HECTD2: variants seen among roughly 807,000 people sequenced by gnomAD.
The protein encoded by HECTD2 is probable E3 ubiquitin-protein ligase HECTD2.
In HECTD2, 35 loss-of-function variants were observed where a neutral mutation model predicts 103.2. The ratio of observed to expected loss-of-function variants is 0.34; its 90% confidence interval spans 0.26 to 0.45. HECTD2 has a LOEUF of 0.45. Ranked by LOEUF, HECTD2 falls within the 20% of genes least tolerant of loss-of-function variation. The pLI is 1.00. For missense variants in HECTD2, 596 were observed against 937.4 expected (o/e 0.64, Z 4.76); for synonymous variants, 281 against 329.9 (o/e 0.85, Z 1.61).
In HECTD2 at chr10:91,484,672, C is replaced by G; in HGVS notation, c.970+17C>G. On this transcript the variant is annotated intron_variant, in intron 9 of 20. Transcript: ENST00000298068. Reference sequence around the variant, plus strand: ...CTTTACTTAGTAGGTTTTTATTATTCTATCATTTTTTACTTTTCTTTTGTT... The same window carrying G: ...CTTTACTTAGTAGGTTTTTATTATTGTATCATTTTTTACTTTTCTTTTGTT... 1 of 1,567,820 alleles carries G rather than the reference C, an allele frequency of 6.4e-7. No homozygotes were observed. Among genetic ancestry groups the G allele is most frequent in the South Asian group, 1.2e-5 (1 of 82,474 alleles).
intron 2 of HECTD2, among the ~76,000 whole-genome samples, chr10:91,427,581 T>C (rs1275351980): frequency 6.6e-6 from 1 of 152,198 alleles, no homozygotes; most frequent in Non-Finnish European, 1.5e-5. Context: ...TGGTTTTGAT[T>C]TGCATTTCTC....
chr10:91,424,201 G>C (rs1013180269), intron 1 of HECTD2, among the ~76,000 whole-genome samples: 2 of 152,038 alleles, frequency 1.3e-5, no homozygotes, highest in Non-Finnish European at 2.9e-5. Context: ...TAAATGCATT[G>C]GTACTTTCTG....
In HECTD2 at chr10:91,512,504, T is replaced by C. The variant is rs1847462416; in HGVS notation, c.*120T>C. ...GACAAAGCTCACCAACTTTAAAATA[T>C]TAAGTTTTTAAAAAATCAAATATGA... On this transcript the variant is annotated 3_prime_UTR_variant, in exon 21 of 21. Coordinates refer to ENST00000298068, the MANE Select transcript of HECTD2 (RefSeq NM_182765.6). 3 of 936,868 alleles carry C rather than the reference T, an allele frequency of 3.2e-6. No homozygotes were observed. Among genetic ancestry groups the C allele is most frequent in the South Asian group, 2.0e-5 (1 of 49,410 alleles). 58.0% of individuals were successfully genotyped at this position (936,868 alleles called of 1,614,324 possible). A position where few individuals can be genotyped will look rare whatever the true frequency, so the allele number is the denominator to read the frequency against.
intron 18 of HECTD2, 113 bp from the exon 19 acceptor site, chr10:91,500,389 T>TTTTTTA: frequency 2.0e-6 from 1 of 505,300 alleles, no homozygotes; most frequent in Non-Finnish European, 3.6e-6. Context: ...AAAAATGGTT[T>TTTTTTA]GATTTACTAT....
intron 5 of HECTD2, among the ~76,000 whole-genome samples, chr10:91,475,652 G>A (rs1038810243): frequency 6.6e-6 from 1 of 152,212 alleles, no homozygotes; most frequent in Non-Finnish European, 1.5e-5. Context: ...AAATGAGGCG[G>A]TAGCTAGAAG....
At position 91,513,962 on chromosome 10, in the gene HECTD2, G is replaced by C. The variant is rs538385830; in HGVS notation, c.*1578G>C. 6 of 152,552 alleles carry C rather than the reference G, an allele frequency of 3.9e-5. No individual in the cohort carries two copies. In the East Asian group the frequency reaches 1.2e-3, roughly 30 times the overall value. The allele number at this position is 152,552 out of a possible 1,614,324, so 9.4% of individuals were successfully genotyped here. ...TTCCATTTGGGTATATTATTTCAAG[G>C]GTATTTCTTCTTAAAAATCTTGGAA... On this transcript the variant is annotated 3_prime_UTR_variant, in exon 21 of 21. Transcript: ENST00000298068.
intron 20 of HECTD2, among the ~76,000 whole-genome samples, chr10:91,506,981 A>G (rs1419511733): frequency 6.6e-6 from 1 of 151,834 alleles, no homozygotes; most frequent in Non-Finnish European, 1.5e-5. Flanking sequence ...TACGCAAATC[A>G]ATAAATGTAA....
At chr10:91,494,607 A>AAGAT (rs1846598748) in intron 14 of HECTD2, among the ~76,000 whole-genome samples, 1 of 152,068 alleles carries the variant, frequency 6.6e-6, no homozygotes, top group African/African-American at 2.4e-5. Context: ...ACTACACATT[A>AAGAT]AGATAGTAAA....
At chr10:91,436,219 T>C (rs1844111952) in intron 2 of HECTD2, among the ~76,000 whole-genome samples, 1 of 151,990 alleles carries the variant, frequency 6.6e-6, no homozygotes, top group Non-Finnish European at 1.5e-5. Context: ...GATTTTCTGC[T>C]CATGGTTAAT....
intron 6 of HECTD2, among the ~76,000 whole-genome samples, chr10:91,480,719 C>A (rs375978453): frequency 3.2e-4 from 49 of 152,166 alleles, no homozygotes; most frequent in African/African-American, 1.2e-3. Flanking sequence ...CCTAGAAACA[C>A]AAGCATATTT....
chr10:91,453,601 A>G (rs1351574497), intron 2 of HECTD2, among the ~76,000 whole-genome samples: 1 of 152,186 alleles, frequency 6.6e-6, no homozygotes, highest in Non-Finnish European at 1.5e-5. Context: ...AGAGAATTCT[A>G]AAACATGTTT....
chr10:91,420,743 G>A (rs1376580035), intron 1 of HECTD2, among the ~76,000 whole-genome samples: 2 of 152,194 alleles, frequency 1.3e-5, no homozygotes, highest in African/African-American at 2.4e-5. Context: ...CTTTTAGCTA[G>A]TCAGTCTTTT....
chr10:91,413,300 T>A (rs1421482858), intron 1 of HECTD2, among the ~76,000 whole-genome samples: 1 of 152,082 alleles, frequency 6.6e-6, no homozygotes, highest in Non-Finnish European at 1.5e-5. Flanking sequence ...CCCTGAAGTG[T>A]TTTATCCTAA....
chr10:91,489,535 G>A (rs1846389919), intron 11 of HECTD2: 1 of 152,146 alleles, frequency 6.6e-6, no homozygotes, highest in South Asian at 2.1e-4. Flanking sequence ...TTCCTGATGG[G>A]AGGAGTAGCT....
intron 18 of HECTD2, 95 bp downstream of exon 18, chr10:91,499,245 A>C: frequency 3.1e-6 from 2 of 647,494 alleles, no homozygotes; most frequent in East Asian, 5.9e-5. Flanking sequence ...ATAAGCTTTT[A>C]AAATAGAAAA....
At chr10:91,500,411 A>T (rs1479733162) in intron 18 of HECTD2, 91 bp from the exon 19 acceptor site, 4 of 500,952 alleles carry the variant, frequency 8.0e-6, no homozygotes, top group East Asian at 3.8e-5. Flanking sequence ...AGAAATCATG[A>T]CTTTTGTGAT....
intron 5 of HECTD2, 63 bp downstream of exon 5, chr10:91,462,247 T>C (rs368524410): frequency 1.9e-5 from 27 of 1,453,500 alleles, no homozygotes; most frequent in African/African-American, 1.0e-4. Flanking sequence ...AAAGCAGCCA[T>C]ACAAATATTG....
intron 2 of HECTD2, among the ~76,000 whole-genome samples, chr10:91,444,746 A>G (rs946867902): frequency 1.5e-5 from 2 of 137,596 alleles, no homozygotes; most frequent in African/African-American, 7.3e-5. Flanking sequence ...TTAGACCTCA[A>G]ACTGACATTA....
In HECTD2 at chr10:91,410,404, C is replaced by G; in HGVS notation, c.-35C>G. 1 of 1,339,436 alleles carries G rather than the reference C, an allele frequency of 7.5e-7. No individual in the cohort carries two copies. 83.0% of individuals were successfully genotyped at this position (1,339,436 alleles called of 1,614,324 possible). ...CCAGCCCCAGCAACACTGAGGCCGC[C>G]GCCGCCGCCTGGCGCTCCCGCCGCC... On this transcript the variant is annotated 5_prime_UTR_variant, in exon 1 of 21. Coordinates refer to ENST00000298068, the MANE Select transcript of HECTD2 (RefSeq NM_182765.6).
Sources: allele counts gnomAD v4.1 joint callset (sites outside exome capture counted in the v4.1 genomes callset), GRCh38; gene constraint gnomAD v4.1.1; transcripts MANE v1.5; gene names NCBI Gene and HGNC (gene_info 2026-07-23, HGNC 2026-07-21).